GPC6: variants seen among roughly 807,000 people sequenced by gnomAD.
GPC6 encodes the protein glypican-6.
A neutral mutation model predicts 55.2 loss-of-function variants in GPC6; 14 were observed. The ratio of observed to expected loss-of-function variants is 0.25; its 90% CI spans 0.17 to 0.40. GPC6 has a LOEUF of 0.40. GPC6 is among the 10% of genes least tolerant of loss of function. The pLI is 1.00. For synonymous variants in GPC6, 278 were observed against 259.6 expected, an observed-to-expected ratio of 1.07 and a Z score of -0.68; for missense variants, 641 against 708.5, an observed-to-expected ratio of 0.90 and a Z score of 1.08.
chr13:94,063,661 G>A (rs1415245691), intron 4 of GPC6, among the ~76,000 whole-genome samples: 1 of 152,134 alleles, frequency 6.6e-6, no homozygotes, highest in Admixed American at 6.6e-5. Context: ...CAAAGCCCGA[G>A]CCTTCCTAGC....
chr13:93,263,876 A>G (rs1322291658), intron 1 of GPC6, among the ~76,000 whole-genome samples: 2 of 152,198 alleles, frequency 1.3e-5, no homozygotes, highest in Admixed American at 1.3e-4. Flanking sequence ...GGCACTGAGC[A>G]TTTTGGTTGA....
chr13:93,996,410 T>G (rs1421689926), intron 3 of GPC6, among the ~76,000 whole-genome samples: 1 of 152,214 alleles, frequency 6.6e-6, no homozygotes, highest in Non-Finnish European at 1.5e-5. Context: ...TTATCAGACT[T>G]GGTTTCAATA....
chr13:94,046,895 A>C (rs1437083909), intron 4 of GPC6, among the ~76,000 whole-genome samples: 1 of 152,164 alleles, frequency 6.6e-6, no homozygotes, highest in Non-Finnish European at 1.5e-5. Flanking sequence ...TAAAATGTAC[A>C]ATATAAGCTT....
intron 4 of GPC6, among the ~76,000 whole-genome samples, chr13:94,059,483 G>A (rs577219731): frequency 3.2e-4 from 48 of 152,178 alleles, no homozygotes; most frequent in African/African-American, 1.2e-3. Context: ...TGCCAACAGG[G>A]AGCAGGATAA....
intron 1 of GPC6, among the ~76,000 whole-genome samples, chr13:93,339,818 T>G (rs1029542731): frequency 6.6e-6 from 1 of 152,128 alleles, no homozygotes; most frequent in Admixed American, 6.5e-5. Flanking sequence ...GCTCTGCTTT[T>G]TATAACTTAT....
intron 2 of GPC6, among the ~76,000 whole-genome samples, chr13:93,730,264 A>G (rs1385576507): frequency 5.9e-5 from 9 of 152,174 alleles, no homozygotes; most frequent in Non-Finnish European, 1.0e-4. Flanking sequence ...CAAGTGCAGG[A>G]GACAGTGCTC....
intron 6 of GPC6, among the ~76,000 whole-genome samples, chr13:94,354,711 G>GGC (rs1414637899): frequency 6.6e-6 from 1 of 152,234 alleles, no homozygotes; most frequent in African/African-American, 2.4e-5. Flanking sequence ...CAGACAGCAA[G>GGC]ATGAATTGGC....
intron 1 of GPC6, among the ~76,000 whole-genome samples, chr13:93,483,567 T>G (rs765974803): frequency 6.6e-6 from 1 of 152,172 alleles, no homozygotes; most frequent in African/African-American, 2.4e-5. Flanking sequence ...GCAGGCTTTA[T>G]GCTATCCTGC....
intron 3 of GPC6, among the ~76,000 whole-genome samples, chr13:93,977,467 GGTGTGTGTGTGTGTGTGTGTGT>G (rs4001797): frequency 3.6e-4 from 50 of 137,286 alleles, no homozygotes; most frequent in African/African-American, 1.2e-3. Flanking sequence ...GATGACAAGG[GGTGTGTGTGTGTGTGTGTGTGT>G]GTGTGTGTGT....
At chr13:93,713,528 G>C (rs1883145203) in intron 2 of GPC6, among the ~76,000 whole-genome samples, 1 of 151,638 alleles carries the variant, frequency 6.6e-6, no homozygotes, top group Non-Finnish European at 1.5e-5. Flanking sequence ...GGAGACAGCA[G>C]CTTGTGCTGT....
chr13:93,666,785 ACATATGATAAAT>A (rs1881154608), intron 2 of GPC6, among the ~76,000 whole-genome samples: 1 of 152,202 alleles, frequency 6.6e-6, no homozygotes, highest in African/African-American at 2.4e-5. Flanking sequence ...TCAACAATAG[ACATATGATAAAT>A]CATTTTTAAA....
intron 1 of GPC6, among the ~76,000 whole-genome samples, chr13:93,372,523 A>G (rs1874709386): frequency 6.6e-6 from 1 of 152,134 alleles, no homozygotes; most frequent in Admixed American, 6.6e-5. Flanking sequence ...TTAGCCACAG[A>G]ATGAGAGTTA....
chr13:93,451,493 A>C (rs1878221667), intron 1 of GPC6, among the ~76,000 whole-genome samples: 1 of 152,222 alleles, frequency 6.6e-6, no homozygotes, highest in South Asian at 2.1e-4. Context: ...TTTCCTGACA[A>C]GTGGAAATTA....
At chr13:93,248,807 C>T (rs1049188356) in intron 1 of GPC6, among the ~76,000 whole-genome samples, 5 of 152,178 alleles carry the variant, frequency 3.3e-5, no homozygotes, top group African/African-American at 7.2e-5. Context: ...TTGATTTTCA[C>T]GGCTCATGAC....
intron 2 of GPC6, among the ~76,000 whole-genome samples, chr13:93,596,034 C>T (rs966735972): frequency 6.6e-6 from 1 of 152,136 alleles, no homozygotes; most frequent in Non-Finnish European, 1.5e-5. Flanking sequence ...CTTTAGCCAT[C>T]CTATTAATTG....
intron 4 of GPC6, among the ~76,000 whole-genome samples, chr13:94,115,118 C>T (rs1233663718): frequency 6.6e-6 from 1 of 152,122 alleles, no homozygotes; most frequent in Admixed American, 6.5e-5. Flanking sequence ...TGTACAAGTG[C>T]TCTCCAAGGA....
At chr13:93,464,550 G>A (rs1411172229) in intron 1 of GPC6, among the ~76,000 whole-genome samples, 1 of 152,166 alleles carries the variant, frequency 6.6e-6, no homozygotes, top group Non-Finnish European at 1.5e-5. Flanking sequence ...TTGTTTGTTT[G>A]ATCATGAGAT....
At position 94,365,890 on chromosome 13, in the gene GPC6, G is replaced by A. The variant is rs577509976; in HGVS notation, c.1153-16524G>A. Among the ~76,000 whole-genome samples the A allele has an allele frequency of 7.2e-5, 11 of 152,282 alleles. No homozygotes were observed. The East Asian group carries it at 1.3e-3, about 19-fold the overall frequency. On this transcript the variant is annotated intron_variant, in intron 6 of 8. Coordinates refer to ENST00000377047, the MANE Select transcript of GPC6 (RefSeq NM_005708.5). ...AATACACATCTATTTCTCAGCTTCGGTGTGGAAGAATAAAGCCACCAAACT... is the reference window on the plus strand; with the variant it reads ...AATACACATCTATTTCTCAGCTTCGATGTGGAAGAATAAAGCCACCAAACT...
At chr13:93,910,410 G>A (rs1418915485) in intron 3 of GPC6, among the ~76,000 whole-genome samples, 1 of 151,972 alleles carries the variant, frequency 6.6e-6, no homozygotes, top group African/African-American at 2.4e-5. Context: ...AAATTATCTA[G>A]TCTCAGATAT....
Sources: gnomAD v4.1 joint callset for allele counts (sites outside exome capture counted in the v4.1 genomes callset) on GRCh38, gnomAD v4.1.1 for gene constraint, MANE v1.5 for transcripts, NCBI Gene and HGNC (gene_info 2026-07-23, HGNC 2026-07-21) for gene names.